Variants in WWTR1 observed in about 807,000 individuals in gnomAD.
The protein encoded by WWTR1 is WW domain containing transcription regulator 1.
WWTR1 carries 13 observed loss-of-function variants against 40.1 expected under a neutral mutation model. That is an observed-to-expected ratio of 0.32 (90% CI 0.21 to 0.52). WWTR1 has a LOEUF of 0.52. Ranked by LOEUF, WWTR1 falls within the 20% of genes least tolerant of loss-of-function variation. The pLI is 0.97. For synonymous variants in WWTR1, 230 were observed against 210.1 expected (o/e 1.09, Z -0.82); for missense variants, 436 against 523.1 (o/e 0.83, Z 1.63).
chr3:149,664,670 C>T (rs1159771690), intron 2 of WWTR1, among the ~76,000 whole-genome samples: 4 of 151,550 alleles, frequency 2.6e-5, no homozygotes, highest in African/African-American at 9.7e-5. Flanking sequence ...CTCACCGCAA[C>T]CTCCACCTCC....
At chr3:149,647,033 A>G (rs1329409163) in intron 2 of WWTR1, among the ~76,000 whole-genome samples, 1 of 152,134 alleles carries the variant, frequency 6.6e-6, no homozygotes, top group Admixed American at 6.5e-5. Context: ...AAGATATATT[A>G]TACTAAGTGA....
chr3:149,568,523 CAAAAAAAAAAAAAAAAAAAAAAA>C lies in WWTR1; in HGVS notation c.568+4318_568+4340del, dbSNP rs34414853. Among the ~76,000 whole-genome samples, 335 of 64,814 alleles carry C rather than the reference CAAAAAAAAAAAAAAAAAAAAAAA, an allele frequency of 5.2e-3. 2 individuals carry two copies. The highest frequency in any genetic ancestry group is 0.015 in the African/African-American group (310 of 20,628). 42.5% of individuals were successfully genotyped at this position (64,814 alleles called of 152,430 possible). On this transcript the variant is annotated intron_variant, in intron 3 of 6. Coordinates refer to ENST00000360632, the MANE Select transcript of WWTR1 (RefSeq NM_015472.6). ...GGAGATGGCTATTTGAATTAAAGTG[CAAAAAAAAAAAAAAAAAAAAAAA>C]AAAAAAAAAAAAAACCATATTTTTG...
chr3:149,547,784 A>AT (rs1216735151), intron 3 of WWTR1, among the ~76,000 whole-genome samples: 2 of 147,970 alleles, frequency 1.4e-5, no homozygotes, highest in African/African-American at 5.0e-5. Flanking sequence ...ATTCCCATTT[A>AT]TCTTTTTCTT....
intron 2 of WWTR1, among the ~76,000 whole-genome samples, chr3:149,612,525 G>A (rs1040713002): frequency 2.6e-5 from 4 of 152,032 alleles, no homozygotes; most frequent in African/African-American, 4.8e-5. Flanking sequence ...GGTGGTGTTC[G>A]GATGAGTCCC....
At chr3:149,667,630 G>A (rs1336116607) in intron 2 of WWTR1, among the ~76,000 whole-genome samples, 1 of 152,076 alleles carries the variant, frequency 6.6e-6, no homozygotes, top group Non-Finnish European at 1.5e-5. Context: ...CAAATTCGTG[G>A]AAGCCCCAAG....
chr3:149,651,834 T>C (rs572065966), intron 2 of WWTR1, among the ~76,000 whole-genome samples: 1 of 146,720 alleles, frequency 6.8e-6, no homozygotes, highest in East Asian at 2.0e-4. Context: ...ATTTTCTTTT[T>C]TTTTTTTTTT....
At chr3:149,661,282 G>A (rs1291102884), upstream of WWTR1, 3 of 152,386 alleles carry the variant, frequency 2.0e-5, no homozygotes, top group Non-Finnish European at 4.4e-5. Flanking sequence ...CCACCAGTAA[G>A]ACCAGCAGAG....
At chr3:149,630,983 A>G (rs1336882852) in intron 2 of WWTR1, among the ~76,000 whole-genome samples, 2 of 152,170 alleles carry the variant, frequency 1.3e-5, no homozygotes, top group Non-Finnish European at 2.9e-5. Context: ...TCCCAGAAAC[A>G]AATATTCTTT....
At position 149,542,310 on chromosome 3, in the gene WWTR1, C is replaced by T. The variant is rs1487491378; in HGVS notation, c.771+25G>A. On this transcript the variant is annotated intron_variant, in intron 4 of 6. Coordinates refer to ENST00000360632, the MANE Select transcript of WWTR1 (RefSeq NM_015472.6). ...TTTGGCACCAAGGCCAGGGAGCCTC[C>T]ACCAGACACCATGGAAAGCCATACC... is the stretch of plus-strand genomic sequence containing the variant. 11 of 1,605,926 alleles carry T rather than the reference C, an allele frequency of 6.8e-6. No homozygotes were observed. In the South Asian group the frequency reaches 1.2e-4, roughly 18 times the overall value.
chr3:149,569,338 A>G (rs1737517594), intron 3 of WWTR1, among the ~76,000 whole-genome samples: 1 of 152,196 alleles, frequency 6.6e-6, no homozygotes, highest in African/African-American at 2.4e-5. Flanking sequence ...ATGATAATAA[A>G]CATATATTTT....
upstream of WWTR1, among the ~76,000 whole-genome samples, chr3:149,707,755 G>A (rs1182472330): frequency 2.0e-5 from 3 of 152,096 alleles, no homozygotes; most frequent in Non-Finnish European, 2.9e-5. Flanking sequence ...CAAACTGACT[G>A]CCAATTGAAT....
intron 1 of WWTR1, chr3:149,670,643 CA>C (rs5853435): frequency 0.44 from 44,993 of 101,156 alleles, 7,746 homozygotes; most frequent in Middle Eastern, 0.63. Flanking sequence ...GACTCCGTCT[CA>C]AAAAAAAAAA....
At chr3:149,544,304 C>T (rs1258839285) in intron 3 of WWTR1, among the ~76,000 whole-genome samples, 1 of 152,142 alleles carries the variant, frequency 6.6e-6, no homozygotes, top group East Asian at 1.9e-4. Context: ...AATTCAATGG[C>T]AAAGATTTCT....
chr3:149,588,475 A>G (rs1035085301), intron 2 of WWTR1, among the ~76,000 whole-genome samples: 1 of 152,232 alleles, frequency 6.6e-6, no homozygotes, highest in Admixed American at 6.5e-5. Context: ...TTTTGTTTCT[A>G]TCTTTAGTGT....
At chr3:149,648,756 A>G (rs1316543572) in intron 2 of WWTR1, among the ~76,000 whole-genome samples, 1 of 152,174 alleles carries the variant, frequency 6.6e-6, no homozygotes, top group Admixed American at 6.5e-5. Context: ...ATTATAAATG[A>G]CTGACTTAGG....
chr3:149,636,156 T>C (rs1711806687), intron 2 of WWTR1, among the ~76,000 whole-genome samples: 1 of 152,242 alleles, frequency 6.6e-6, no homozygotes, highest in South Asian at 2.1e-4. Context: ...TTGTGGATGA[T>C]GGCAACACCA....
At chr3:149,616,363 T>G (rs1218798769) in intron 2 of WWTR1, among the ~76,000 whole-genome samples, 1 of 152,132 alleles carries the variant, frequency 6.6e-6, no homozygotes, top group Non-Finnish European at 1.5e-5. Flanking sequence ...TGTAATCCCA[T>G]GTAATGAAAT....
intron 2 of WWTR1, among the ~76,000 whole-genome samples, chr3:149,634,328 G>A (rs1711702721): frequency 6.6e-6 from 1 of 152,188 alleles, no homozygotes; most frequent in South Asian, 2.1e-4. Context: ...TGAACAGTGT[G>A]AGAACAATGC....
chr3:149,549,604 G>C (rs753940936), intron 3 of WWTR1, among the ~76,000 whole-genome samples: 1 of 152,268 alleles, frequency 6.6e-6, no homozygotes, highest in East Asian at 1.9e-4. Flanking sequence ...TTGGGAGGCC[G>C]AGGCAGGAGA....
Sources: gnomAD v4.1 joint callset for allele counts (sites outside exome capture counted in the v4.1 genomes callset) on GRCh38, gnomAD v4.1.1 for gene constraint, MANE v1.5 for transcripts, NCBI Gene and HGNC (gene_info 2026-07-23, HGNC 2026-07-21) for gene names.